NPAT: variants seen among roughly 807,000 people sequenced by gnomAD.
The protein encoded by NPAT is nuclear protein, coactivator of histone transcription.
A neutral mutation model predicts 130.7 loss-of-function variants in NPAT; 52 were observed. That is an observed-to-expected ratio of 0.40 (90% CI 0.32 to 0.50). The LOEUF (loss-of-function observed/expected upper bound fraction) is 0.50. Among genes scored for constraint, NPAT ranks in the 20% least tolerant of loss-of-function variants. NPAT has a pLI of 0.68. For missense variants in NPAT, 1,687 were observed against 1,662.6 expected, an observed-to-expected ratio of 1.01 and a Z score of -0.26; for synonymous variants, 580 against 584.8, an observed-to-expected ratio of 0.99 and a Z score of 0.12.
chr11:108,181,726 C>A (rs572734146), intron 10 of NPAT, among the ~76,000 whole-genome samples: 1 of 150,348 alleles, frequency 6.7e-6, no homozygotes, highest in African/African-American at 2.4e-5. Flanking sequence ...AGGCCTGCAT[C>A]GAGGTCATAA....
chr11:108,221,711 G>A (rs1203618273), intron 1 of NPAT, among the ~76,000 whole-genome samples: 1 of 152,152 alleles, frequency 6.6e-6, no homozygotes, highest in Non-Finnish European at 1.5e-5. Context: ...CGGGTTTTGA[G>A]CTTTACCTGG....
At chr11:108,207,065 TG>T (rs374287290) in intron 1 of NPAT, among the ~76,000 whole-genome samples, 83 of 152,192 alleles carry the variant, frequency 5.5e-4, no homozygotes, top group African/African-American at 1.9e-3. Flanking sequence ...CAACTCTCAG[TG>T]AATAGAGCTG....
At position 108,172,325 on chromosome 11, in the gene NPAT, C is replaced by T. The variant is rs769967982; in HGVS notation, c.2659G>A (p.Val887Ile). 3 of 1,614,220 alleles carry T rather than the reference C, an allele frequency of 1.9e-6. No homozygotes were observed. The highest frequency in any genetic ancestry group is 2.5e-6 in the Non-Finnish European group (3 of 1,180,040). ...ALGTSVSQSN[V>I]VVLPGNSAPM... The stretch of plus-strand genomic sequence containing the variant: ...GCAGAATTTCCAGGCAACACCACTA[C>T]ATTAGACTGACTTACAGATGTTCCT... The change falls in exon 13 of 18, where the codon GTA (valine) becomes ATA (isoleucine). Residue 887 changes from valine to isoleucine, a missense_variant. By Grantham distance (29) the Val-to-Ile change is conservative. This residue lies in a region of NPAT where 1,379 missense variants were observed against 1,346.6 expected (regional missense o/e 1.02). Coordinates refer to ENST00000278612, the MANE Select transcript of NPAT (RefSeq NM_002519.3).
At position 108,185,217 on chromosome 11, in the gene NPAT, C is replaced by T; in HGVS notation, c.906+15G>A. The T allele has an allele frequency of 6.3e-7, 1 of 1,587,206 alleles. No individual in the cohort carries two copies. The highest frequency in any genetic ancestry group is 8.6e-7 in the Non-Finnish European group (1 of 1,157,750). ...GTAACACACACGCACCCATGCACAC[C>T]CCAACCACCCATACCGGAAGTCCTA... On this transcript the variant is annotated intron_variant, in intron 10 of 17. Transcript: ENST00000278612.
chr11:108,170,924 AT>A (rs2077944196), intron 13 of NPAT, among the ~76,000 whole-genome samples: 1 of 152,144 alleles, frequency 6.6e-6, no homozygotes, highest in African/African-American at 2.4e-5. Context: ...ATGAAATTTT[AT>A]TGTATGTCTA....
chr11:108,211,713 G>T (rs1337160076), intron 1 of NPAT, among the ~76,000 whole-genome samples: 1 of 152,180 alleles, frequency 6.6e-6, no homozygotes, highest in Non-Finnish European at 1.5e-5. Flanking sequence ...AAAGACGAAA[G>T]TCACATTATC....
intron 15 of NPAT, 43 bp downstream of exon 15, chr11:108,169,701 C>T: frequency 7.5e-7 from 1 of 1,332,730 alleles, no homozygotes; most frequent in Non-Finnish European, 1.1e-6. Context: ...AACAAATGAA[C>T]ATACAAACAT....
Position 108,161,934 on chromosome 11 carries a change from C to T in NPAT, c.3152G>A (p.Ser1051Asn). ...GCATGGTTTAGCAGCTGGAACTATA[C>T]TCTCTTCTGGGAAGGGAACTGTGGT... ...EETTVPFPEE[S>N]IVPAAKPCHR... The change falls in exon 17 of 18, where the codon AGT becomes AAT. Residue 1051 changes from serine to asparagine, a missense_variant. Physicochemically the swap from Ser to Asn is conservative, Grantham distance 46 (BLOSUM62 1). Around this residue, in one of 3 missense-constraint regions of NPAT, gnomAD observed 1,379 missense variants for 1,346.6 expected, o/e 1.02. Coordinates refer to ENST00000278612, the MANE Select transcript of NPAT (RefSeq NM_002519.3). The T allele has an allele frequency of 1.2e-6, 2 of 1,608,068 alleles. No homozygotes were observed. The highest frequency in any genetic ancestry group is 2.2e-5 in the South Asian group (2 of 90,164).
Position 108,173,392 on chromosome 11 carries a change from G to A in NPAT, c.1592C>T (p.Ser531Phe). The change falls in exon 13 of 18, where the codon TCT (serine) becomes TTT (phenylalanine). Residue 531 changes from serine to phenylalanine, a missense_variant. Coordinates refer to ENST00000278612, the MANE Select transcript of NPAT (RefSeq NM_002519.3). ...NENLILSGKS[S>F]QLLSQDTSLT... ...TGAAGTATCTTGGGATAAAAGTTGA[G>A]AACTCTTCCCAGAGAGAATTAAGTT... The A allele has an allele frequency of 6.2e-7, 1 of 1,613,920 alleles. No homozygotes were observed.
At chr11:108,196,279 T>C (rs1468488977) in intron 2 of NPAT, among the ~76,000 whole-genome samples, 1 of 152,228 alleles carries the variant, frequency 6.6e-6, no homozygotes, top group Admixed American at 6.5e-5. Context: ...TGTGGGTCTC[T>C]ACATGGACTT....
chr11:108,170,556 T>C (rs1306305696), intron 13 of NPAT, among the ~76,000 whole-genome samples: 1 of 152,224 alleles, frequency 6.6e-6, no homozygotes, highest in Non-Finnish European at 1.5e-5. Context: ...GTCAAAACTA[T>C]GGAGGGAAAA....
rs2077816362 is a variant in NPAT at position 108,158,566 on chromosome 11, C to T, written c.*376G>A. ...CCTCCAAAACAAGTGAGAAACTATT[C>T]CAGATGAGTAAGTCTCAGAATTAGG... On this transcript the variant is annotated 3_prime_UTR_variant, in exon 18 of 18. Coordinates refer to ENST00000278612, the MANE Select transcript of NPAT (RefSeq NM_002519.3). 5.9e-6 allele frequency: 1 copy of T among 168,660 alleles called. No individual in the cohort carries two copies. Among genetic ancestry groups the T allele is most frequent in the African/African-American group, 2.4e-5 (1 of 41,546 alleles). 10.4% of individuals were successfully genotyped at this position (168,660 alleles called of 1,614,324 possible). A position where few individuals can be genotyped will look rare whatever the true frequency, so the allele number is the denominator to read the frequency against.
intron 7 of NPAT, among the ~76,000 whole-genome samples, chr11:108,187,018 C>T (rs1221243648): frequency 6.6e-6 from 1 of 152,132 alleles, no homozygotes; most frequent in Admixed American, 6.5e-5. Context: ...TGGTCTGAAG[C>T]ACAGCAAGCT....
intron 15 of NPAT, among the ~76,000 whole-genome samples, chr11:108,165,106 A>G (rs762171060): frequency 6.6e-6 from 1 of 152,148 alleles, no homozygotes; most frequent in Non-Finnish European, 1.5e-5. Context: ...TGTCATTCAC[A>G]ATGATGAAAA....
chr11:108,186,606 A>G, intron 7 of NPAT, 37 bp from the exon 8 acceptor site: 1 of 1,496,292 alleles, frequency 6.7e-7, no homozygotes, highest in Non-Finnish European at 9.3e-7. Flanking sequence ...TTTAACCACT[A>G]TATTTAACAG....
Position 108,172,885 on chromosome 11 carries a change from G to C in NPAT, c.2099C>G (p.Ser700Cys). The change falls in exon 13 of 18, where the codon TCT becomes TGT. Residue 700 changes from serine to cysteine, a missense_variant. Ser to Cys is a moderately radical substitution (Grantham distance 112). Transcript: ENST00000278612. ...AGAACACACAGATTCTGGAGGAAGA[G>C]AGTGACTGTTTTCTACAGGAGTGCC... The part of the protein sequence containing the change: ...PEGTPVENSH[S>C]LPPESVCSSV... The C allele has an allele frequency of 6.2e-7, 1 of 1,614,098 alleles. No individual in the cohort carries two copies. The highest frequency in any genetic ancestry group is 1.1e-5 in the South Asian group (1 of 91,080).
chr11:108,173,636 A>G lies in NPAT; in HGVS notation c.1348T>C (p.Leu450=). 1 of 1,614,180 alleles carries G rather than the reference A, an allele frequency of 6.2e-7. No individual in the cohort carries two copies. The highest frequency in any genetic ancestry group is 8.5e-7 in the Non-Finnish European group (1 of 1,180,032). ...IDITFESVPN[L]NDFNQRGNSN... ...TTCCCTCTTTGGTTAAAGTCATTCA[A>G]ATTAGGCACGGACTCAAAGGTAATG... is the stretch of plus-strand genomic sequence containing the variant. The change falls in exon 13 of 18, where the codon TTG becomes CTG. Residue 450 remains leucine, a synonymous_variant. Transcript: ENST00000278612.
rs890008697 is a variant in NPAT, at chr11:108,157,416, C to G, written c.*1526G>C. ...TTTGAAGTTAATGAAAATATTTATT[C>G]AAACCTAACTGTAGTACAGTCTCAA... On this transcript the variant is annotated 3_prime_UTR_variant, in exon 18 of 18. Coordinates refer to ENST00000278612, the MANE Select transcript of NPAT (RefSeq NM_002519.3). 1 of 152,030 alleles carries G rather than the reference C, an allele frequency of 6.6e-6. No individual in the cohort carries two copies. Among genetic ancestry groups the G allele is most frequent in the Non-Finnish European group, 1.5e-5 (1 of 67,958 alleles). 9.4% of individuals were successfully genotyped at this position (152,030 alleles called of 1,614,324 possible).
chr11:108,166,756 T>G lies in NPAT; in HGVS notation c.3010+2988A>C, dbSNP rs544123224. On this transcript the variant is annotated intron_variant, in intron 15 of 17. Coordinates refer to ENST00000278612, the MANE Select transcript of NPAT (RefSeq NM_002519.3). ...TCTGCTCTTCTATCTTGGCTAGTCA[T>G]GGACTTTTATTCTTTCTCATAGATT... 2.6e-5 allele frequency among the ~76,000 whole-genome samples: 4 copies of G among 152,306 alleles called. No individual in the cohort carries two copies. In the South Asian group the frequency reaches 8.3e-4, roughly 32 times the overall value.
Sources: gnomAD v4.1 joint callset for allele counts (sites outside exome capture counted in the v4.1 genomes callset) on GRCh38, gnomAD v4.1.1 for gene constraint, gnomAD v4.1.1 regional missense constraint, MANE v1.5 for transcripts, NCBI Gene and HGNC (gene_info 2026-07-23, HGNC 2026-07-21) for gene names.